ARMH3: variants seen among roughly 807,000 people sequenced by gnomAD.
ARMH3 encodes the protein armadillo-like helical domain-containing protein 3.
A neutral mutation model predicts 99.1 loss-of-function variants in ARMH3; 60 were observed. The observed-to-expected ratio is 0.61, with a 90% CI of 0.49 to 0.75. ARMH3 has a LOEUF of 0.75. ARMH3 is among the 30% of genes least tolerant of loss of function. ARMH3 has a pLI of 0.00. For missense variants in ARMH3, 679 were observed against 843.1 expected (o/e 0.81, Z 2.41); for synonymous variants, 285 against 292.8 (o/e 0.97, Z 0.27).
chr10:101,952,787 CT>C (rs1844849799), intron 22 of ARMH3: 1 of 152,158 alleles, frequency 6.6e-6, no homozygotes, highest in South Asian at 2.1e-4. Flanking sequence ...ACTTTTTCAT[CT>C]TGTAGAACTG....
rs76159530 is a variant in ARMH3, at chr10:101,911,317, T to A, written c.1782-21827A>T. Among the ~76,000 whole-genome samples the A allele has an allele frequency of 9.3e-3, 1,416 of 152,238 alleles. 16 individuals are homozygous for A. Among genetic ancestry groups the A allele is most frequent in the African/African-American group, 0.032 (1,344 of 41,524 alleles). On this transcript the variant is annotated intron_variant, in intron 23 of 25. Transcript: ENST00000370033. ...GTCAAACATAATGAAACCTCCCACA[T>A]AAAAGAAGTGAGGGTTCTGTGAAGA... is the stretch of plus-strand genomic sequence containing the variant.
At chr10:101,982,963 T>G (rs1454636794) in intron 19 of ARMH3, among the ~76,000 whole-genome samples, 1 of 152,222 alleles carries the variant, frequency 6.6e-6, no homozygotes, top group Non-Finnish European at 1.5e-5. Flanking sequence ...CCCCCAGATC[T>G]GTGAAAAAAT....
intron 23 of ARMH3, among the ~76,000 whole-genome samples, chr10:101,898,000 G>A (rs1040559251): frequency 6.6e-5 from 10 of 152,192 alleles, no homozygotes; most frequent in Admixed American, 3.9e-4. Context: ...CCGGGTGGTT[G>A]TTAACTGAGA....
At chr10:102,007,326 C>A in intron 13 of ARMH3, among the ~76,000 whole-genome samples, 2 of 145,478 alleles carry the variant, frequency 1.4e-5, no homozygotes, top group Non-Finnish European at 1.5e-5. Context: ...TCTGTGGCAC[C>A]ACAGACATTT....
intron 23 of ARMH3, among the ~76,000 whole-genome samples, chr10:101,916,948 A>C (rs1034842894): frequency 6.6e-6 from 1 of 152,170 alleles, no homozygotes; most frequent in African/African-American, 2.4e-5. Flanking sequence ...TTACACTAGT[A>C]CCACCCAAGT....
At chr10:101,946,071 C>CAAAAAAAAAAAAAAAAAAAAAAA (rs569179050) in intron 22 of ARMH3, among the ~76,000 whole-genome samples, 2 of 34,486 alleles carry the variant, frequency 5.8e-5, no homozygotes, top group African/African-American at 2.4e-4. Context: ...GACTCTGCCT[C>CAAAAAAAAAAAAAAAAAAAAAAA]AAAAAAAAAA....
intron 23 of ARMH3, among the ~76,000 whole-genome samples, chr10:101,923,611 G>A (rs1020783698): frequency 6.6e-6 from 1 of 152,206 alleles, no homozygotes; most frequent in Non-Finnish European, 1.5e-5. Flanking sequence ...TTCTTTCTCA[G>A]TAAAATTCTC....
At chr10:102,021,998 C>T (rs1033179840) in intron 8 of ARMH3, among the ~76,000 whole-genome samples, 11 of 152,054 alleles carry the variant, frequency 7.2e-5, no homozygotes, top group African/African-American at 2.4e-4. Context: ...CCTAGATATG[C>T]TTAAATACAT....
At chr10:102,032,273 A>G (rs2067149432) in intron 4 of ARMH3, among the ~76,000 whole-genome samples, 1 of 152,228 alleles carries the variant, frequency 6.6e-6, no homozygotes, top group African/African-American at 2.4e-5. Context: ...ACTCTGTAGT[A>G]TATCTCTATC....
chr10:101,873,500 T>C (rs1183899915), intron 24 of ARMH3, among the ~76,000 whole-genome samples: 1 of 152,178 alleles, frequency 6.6e-6, no homozygotes, highest in Non-Finnish European at 1.5e-5. Flanking sequence ...ATAGTTTATA[T>C]ATTATAAAAT....
Position 101,939,699 on chromosome 10 carries a change from C to T in ARMH3, c.1781+164G>A, listed in dbSNP as rs117960905. On this transcript the variant is annotated intron_variant, in intron 23 of 25. Coordinates refer to ENST00000370033, the MANE Select transcript of ARMH3 (RefSeq NM_024541.3). ...TTTCAATATGATAAAATAAAAGCCT[C>T]GTGTACTCCTGCTTTTCTTGATCAA... Among the ~76,000 whole-genome samples, 102 of 152,318 alleles carry T rather than the reference C, an allele frequency of 6.7e-4. 1 individual carries two copies. The East Asian group carries it at 0.018, about 27-fold the overall frequency.
intron 23 of ARMH3, among the ~76,000 whole-genome samples, chr10:101,930,433 T>C (rs1050124332): frequency 6.6e-6 from 1 of 151,892 alleles, no homozygotes; most frequent in Non-Finnish European, 1.5e-5. Flanking sequence ...GCCATTACTT[T>C]TGCACCAACC....
intron 24 of ARMH3, among the ~76,000 whole-genome samples, chr10:101,877,695 G>A (rs896165260): frequency 2.6e-5 from 4 of 151,806 alleles, no homozygotes; most frequent in African/African-American, 9.7e-5. Context: ...ACAATTACTA[G>A]AATTCCTACT....
intron 9 of ARMH3, 149 bp downstream of exon 9, chr10:102,013,819 C>T (rs746175139): frequency 2.4e-5 from 15 of 636,766 alleles, no homozygotes; most frequent in African/African-American, 5.5e-5. Context: ...GTAGCACTGA[C>T]GCACTAAAAA....
At chr10:101,931,066 C>T (rs1712601411) in intron 23 of ARMH3, among the ~76,000 whole-genome samples, 1 of 152,180 alleles carries the variant, frequency 6.6e-6, no homozygotes, top group Admixed American at 6.5e-5. Context: ...TTAACCACTA[C>T]ATTATGCTAT....
intron 1 of ARMH3, among the ~76,000 whole-genome samples, chr10:102,055,139 TG>T (rs1165060668): frequency 2.6e-5 from 4 of 151,196 alleles, no homozygotes; most frequent in African/African-American, 9.7e-5. Context: ...CTGACCAACA[TG>T]GAGAAATCCC....
intron 23 of ARMH3, among the ~76,000 whole-genome samples, chr10:101,906,743 A>C (rs929676329): frequency 2.0e-5 from 3 of 152,198 alleles, no homozygotes; most frequent in African/African-American, 4.8e-5. Context: ...TGGAATGTCA[A>C]GTCTGAAGTA....
intron 8 of ARMH3, 90 bp from the exon 9 acceptor site, chr10:102,014,114 A>C: frequency 3.0e-6 from 3 of 986,408 alleles, no homozygotes; most frequent in Non-Finnish European, 4.6e-6. Flanking sequence ...AAATGCTTCC[A>C]TAAGGCCCTC....
chr10:102,000,638 TGCAC>T, intron 15 of ARMH3, among the ~76,000 whole-genome samples: 2 of 117,832 alleles, frequency 1.7e-5, no homozygotes, highest in African/African-American at 6.1e-5. Flanking sequence ...GGTATAATGG[TGCAC>T]ACCTGTAGTC....
Sources: allele counts gnomAD v4.1 joint callset (sites outside exome capture counted in the v4.1 genomes callset), GRCh38; gene constraint gnomAD v4.1.1; transcripts MANE v1.5; gene names NCBI Gene and HGNC (gene_info 2026-07-23, HGNC 2026-07-21).